Variants in TNRC6A observed in about 807,000 individuals in gnomAD.
TNRC6A encodes trinucleotide repeat-containing gene 6A protein.
TNRC6A carries 44 observed loss-of-function variants against 221.2 expected under a neutral mutation model. That is an observed-to-expected ratio of 0.20 (90% CI 0.16 to 0.26). TNRC6A has a LOEUF of 0.26. TNRC6A is among the 10% of genes least tolerant of loss of function. The pLI is 1.00. For missense variants in TNRC6A, 2,199 were observed against 2,404.4 expected, an observed-to-expected ratio of 0.91 and a Z score of 1.79; for synonymous variants, 847 against 838.5, an observed-to-expected ratio of 1.01 and a Z score of -0.18.
intron 8 of TNRC6A, 105 bp from the exon 9 acceptor site, chr16:24,795,802 A>G: frequency 9.1e-7 from 1 of 1,098,774 alleles, no homozygotes; most frequent in African/African-American, 1.6e-5. Context: ...AGTTGCGATA[A>G]CTAGTAAGCG....
At chr16:24,656,409 G>A (rs2054913857) in intron 2 of TNRC6A, among the ~76,000 whole-genome samples, 1 of 148,940 alleles carries the variant, frequency 6.7e-6, no homozygotes, top group Non-Finnish European at 1.5e-5. Context: ...GGAGGTTGCA[G>A]TGAGCCAAGA....
At chr16:24,817,056 C>T in intron 20 of TNRC6A, 100 bp downstream of exon 20, 1 of 1,248,928 alleles carries the variant, frequency 8.0e-7, no homozygotes, top group Non-Finnish European at 1.0e-6. Flanking sequence ...GCCCAGGGTA[C>T]TCTGGGATCA....
At chr16:24,769,988 T>C (rs900003214) in intron 4 of TNRC6A, among the ~76,000 whole-genome samples, 1 of 152,188 alleles carries the variant, frequency 6.6e-6, no homozygotes, top group Non-Finnish European at 1.5e-5. Context: ...ACAGAGCACA[T>C]TGACTGCATT....
intron 8 of TNRC6A, chr16:24,795,674 C>T (rs1018284373): frequency 9.8e-6 from 4 of 407,410 alleles, no homozygotes; most frequent in Non-Finnish European, 1.7e-5. Flanking sequence ...TGCCTATTGC[C>T]TTGCCATATA....
upstream of TNRC6A, among the ~76,000 whole-genome samples, chr16:24,726,921 T>C (rs2056502421): frequency 6.6e-6 from 1 of 152,146 alleles, no homozygotes. Context: ...AGAGATAATT[T>C]AAAAGTGACT....
intron 2 of TNRC6A, among the ~76,000 whole-genome samples, chr16:24,660,594 T>C (rs905637532): frequency 6.6e-6 from 1 of 152,090 alleles, no homozygotes; most frequent in Admixed American, 6.6e-5. Context: ...TGTTCTCACA[T>C]TGAAGCTTTA....
chr16:24,727,717 T>C (rs976495564), upstream of TNRC6A, among the ~76,000 whole-genome samples: 1 of 152,244 alleles, frequency 6.6e-6, no homozygotes. Context: ...AAACCTGGTA[T>C]GAAAGCATAT....
intron 4 of TNRC6A, among the ~76,000 whole-genome samples, chr16:24,768,288 A>G (rs1239750883): frequency 6.6e-6 from 1 of 151,920 alleles, no homozygotes; most frequent in Non-Finnish European, 1.5e-5. Flanking sequence ...AAAATTAGCC[A>G]GGCGTGGTGG....
At position 24,712,907 on chromosome 16, in the gene TNRC6A, C is replaced by CTGTGTGTGTGTGTGTATGTGTGTGTG. The variant is rs1252970472; in HGVS notation, n.403-37804_403-37803insATGTGTGTGTGTGTGTGTGTGTGTGT. On this transcript the variant is annotated intron_variant and non_coding_transcript_variant, in intron 2 of 2. Coordinates refer to the TNRC6A transcript ENST00000566108. ...AATTTGGGGCCATAGTTATGTGCCA[C>CTGTGTGTGTGTGTGTATGTGTGTGTG]TGTGTGTGTGTGTGTGTGTGTGTGT... is the stretch of plus-strand genomic sequence containing the variant. Among the ~76,000 whole-genome samples, 12 of 126,776 alleles carry CTGTGTGTGTGTGTGTATGTGTGTGTG rather than the reference C, an allele frequency of 9.5e-5. 1 individual carries two copies. In the South Asian group the frequency reaches 2.9e-3, roughly 30 times the overall value. The allele number at this position is 126,776 out of a possible 152,430, so 83.2% of individuals were successfully genotyped here. A position where few individuals can be genotyped will look rare whatever the true frequency, so the allele number is the denominator to read the frequency against.
At chr16:24,617,891 T>A (rs866915932) in intron 1 of TNRC6A, among the ~76,000 whole-genome samples, 15 of 152,200 alleles carry the variant, frequency 9.9e-5, no homozygotes, top group African/African-American at 2.6e-4. Flanking sequence ...TGAATTAATT[T>A]TTTTATTTTA....
chr16:24,818,762 T>C, intron 21 of TNRC6A, 62 bp downstream of exon 21: 2 of 1,243,632 alleles, frequency 1.6e-6, no homozygotes, highest in South Asian at 2.4e-5. Context: ...GGCTGTTGTT[T>C]TAATGCCCTC....
chr16:24,789,171 T>C (rs1366159251), intron 5 of TNRC6A, 61 bp from the exon 6 acceptor site: 24 of 1,457,776 alleles, frequency 1.6e-5, no homozygotes, highest in Non-Finnish European at 2.2e-5. Flanking sequence ...TTCTTAGATT[T>C]TAGTATCATT....
At chr16:24,619,677 G>C (rs1900561272) in intron 1 of TNRC6A, among the ~76,000 whole-genome samples, 1 of 152,156 alleles carries the variant, frequency 6.6e-6, no homozygotes, top group Non-Finnish European at 1.5e-5. Context: ...AAGGGTGAGT[G>C]AAAGTTCATC....
chr16:24,762,654 G>A lies in TNRC6A; in HGVS notation c.163+4294G>A, dbSNP rs116249922. On this transcript the variant is annotated intron_variant, in intron 4 of 24. Transcript: ENST00000395799. ...GTATACTAGCACAAGGTAAGTTTAC[G>A]TTTAATCCTCTCAGCAGCCCTTTGA... Among the ~76,000 whole-genome samples, 1,314 of 152,278 alleles carry A rather than the reference G, an allele frequency of 8.6e-3. 22 individuals are homozygous for A. The highest frequency in any genetic ancestry group is 0.03 in the African/African-American group (1,241 of 41,542).
intron 2 of TNRC6A, among the ~76,000 whole-genome samples, chr16:24,668,063 C>T (rs1346336584): frequency 6.6e-6 from 1 of 152,006 alleles, no homozygotes; most frequent in African/African-American, 2.4e-5. Flanking sequence ...TATGGTGGCT[C>T]ACGCCTGTAA....
At chr16:24,804,944 G>A (rs941152046) in intron 13 of TNRC6A, 70 bp from the exon 14 acceptor site, 1 of 1,613,948 alleles carries the variant, frequency 6.2e-7, no homozygotes, top group African/African-American at 1.3e-5. Flanking sequence ...TTAAATCATA[G>A]TACAGTGTGG....
chr16:24,804,973 T>G (rs766417945), intron 13 of TNRC6A, 41 bp from the exon 14 acceptor site: 6 of 1,614,024 alleles, frequency 3.7e-6, no homozygotes. Flanking sequence ...TGTTTGTCCC[T>G]AAAGAATCCC....
At chr16:24,750,948 T>A in intron 3 of TNRC6A, 135 bp downstream of exon 3, 2 of 805,370 alleles carry the variant, frequency 2.5e-6, no homozygotes, top group Non-Finnish European at 3.6e-6. Context: ...ATATTTAATG[T>A]CTTTGAATAT....
At chr16:24,736,243 C>G (rs1355892174) in intron 2 of TNRC6A, among the ~76,000 whole-genome samples, 1 of 152,116 alleles carries the variant, frequency 6.6e-6, no homozygotes, top group Admixed American at 6.6e-5. Context: ...ATCTCTTTAC[C>G]TAGTTTTAGT....
Sources: allele counts gnomAD v4.1 joint callset (sites outside exome capture counted in the v4.1 genomes callset), GRCh38; gene constraint gnomAD v4.1.1; transcripts MANE v1.5; gene names NCBI Gene and HGNC (gene_info 2026-07-23, HGNC 2026-07-21).